GSE1: variants seen among roughly 807,000 people sequenced by gnomAD.
GSE1 encodes Gse1 coiled-coil protein, also known as genetic suppressor element 1.
GSE1 carries 32 observed loss-of-function variants against 112.6 expected under a neutral mutation model. The observed-to-expected ratio is 0.28, with a 90% CI of 0.21 to 0.38. The LOEUF is 0.38. GSE1 is among the 10% of genes least tolerant of loss of function. GSE1 has a pLI of 1.00. For synonymous variants in GSE1, 1,115 were observed against 735.6 expected, an observed-to-expected ratio of 1.52 and a Z score of -8.35; for missense variants, 2,348 against 1,699.2, an observed-to-expected ratio of 1.38 and a Z score of -6.71.
At chr16:85,626,192 G>T (rs1004453073) in intron 1 of GSE1, among the ~76,000 whole-genome samples, 1 of 152,004 alleles carries the variant, frequency 6.6e-6, no homozygotes, top group East Asian at 1.9e-4. Context: ...GGAGCAAGAA[G>T]ACCTCTCCCC....
chr16:85,259,084 C>T (rs111895700), intron 1 of GSE1, among the ~76,000 whole-genome samples: 5 of 152,278 alleles, frequency 3.3e-5, no homozygotes, highest in East Asian at 3.9e-4. Flanking sequence ...GACCTCTGCC[C>T]GGGCAGGATA....
intron 1 of GSE1, among the ~76,000 whole-genome samples, chr16:85,584,163 G>A (rs1375947703): frequency 7.0e-6 from 1 of 142,484 alleles, no homozygotes; most frequent in Non-Finnish European, 1.5e-5. Flanking sequence ...CGGTGCGTGG[G>A]CCCCTGTCTG....
chr16:85,312,209 G>GGC (rs1555559890), intron 1 of GSE1, among the ~76,000 whole-genome samples: 3 of 150,360 alleles, frequency 2.0e-5, no homozygotes, highest in Non-Finnish European at 2.9e-5. Context: ...TCTTGCGGGG[G>GGC]GGGGGGGGAC....
intron 1 of GSE1, among the ~76,000 whole-genome samples, chr16:85,586,691 C>T (rs909821781): frequency 2.6e-5 from 4 of 152,206 alleles, no homozygotes; most frequent in African/African-American, 9.7e-5. Context: ...AGTATCACCC[C>T]TCCCACCTCT....
intron 2 of GSE1, among the ~76,000 whole-genome samples, chr16:85,459,204 G>A (rs1289666222): frequency 2.6e-5 from 4 of 152,224 alleles, no homozygotes; most frequent in African/African-American, 9.6e-5. Context: ...CAACCACCGT[G>A]CCAATTGCAA....
chr16:85,624,910 C>T (rs942424225), intron 1 of GSE1, among the ~76,000 whole-genome samples: 5 of 152,210 alleles, frequency 3.3e-5, no homozygotes, highest in African/African-American at 1.2e-4. Flanking sequence ...TGTGTGGCCC[C>T]AGCGGCCTGT....
intron 2 of GSE1, among the ~76,000 whole-genome samples, chr16:85,397,727 C>G (rs751796044): frequency 6.6e-6 from 1 of 152,234 alleles, no homozygotes; most frequent in Non-Finnish European, 1.5e-5. Context: ...GCCTTTGCCC[C>G]GCTTCCCTGG....
At chr16:85,652,070 G>T (rs1424362044) in intron 3 of GSE1, among the ~76,000 whole-genome samples, 1 of 152,214 alleles carries the variant, frequency 6.6e-6, no homozygotes, top group Non-Finnish European at 1.5e-5. Context: ...AGGCCAGCCT[G>T]GCAACACACC....
At chr16:85,568,195 G>A (rs1288036470) in intron 1 of GSE1, among the ~76,000 whole-genome samples, 3 of 152,210 alleles carry the variant, frequency 2.0e-5, no homozygotes, top group East Asian at 3.9e-4. Flanking sequence ...CCTTGAGGAA[G>A]GAAAGAGGTT....
intron 1 of GSE1, among the ~76,000 whole-genome samples, chr16:85,305,472 T>G (rs978975160): frequency 1.1e-4 from 14 of 132,296 alleles, no homozygotes; most frequent in African/African-American, 2.2e-4. Context: ...TGTTGTTTTT[T>G]TTTTTTTGTT....
chr16:85,655,621 C>G, intron 5 of GSE1, 105 bp from the exon 6 acceptor site: 1 of 689,154 alleles, frequency 1.5e-6, no homozygotes. Flanking sequence ...GTCACGTTCC[C>G]CACGCTCAGG....
rs74843541 is a variant in GSE1, at chr16:85,470,558, C to T, written c.2464+112915C>T. 6.5e-3 allele frequency among the ~76,000 whole-genome samples: 984 copies of T among 152,338 alleles called. 11 individuals carry two copies. Among genetic ancestry groups the T allele is most frequent in the African/African-American group, 0.022 (935 of 41,570 alleles). On this transcript the variant is annotated intron_variant, in intron 2 of 2. Coordinates refer to the GSE1 transcript ENST00000637419. ...GTGCTAAACTCATCTCCCTGGTAACCTTCACCCGATGGGGCCAGATTCCTT... is the reference window on the plus strand; with the variant it reads ...GTGCTAAACTCATCTCCCTGGTAACTTTCACCCGATGGGGCCAGATTCCTT...
intron 1 of GSE1, among the ~76,000 whole-genome samples, chr16:85,326,632 C>T (rs549456806): frequency 6.6e-6 from 1 of 152,348 alleles, no homozygotes; most frequent in South Asian, 2.1e-4. Context: ...TTCCCGAGGC[C>T]TGCCCAGCCA....
At chr16:85,368,078 T>C (rs2047222356) in intron 2 of GSE1, among the ~76,000 whole-genome samples, 1 of 152,178 alleles carries the variant, frequency 6.6e-6, no homozygotes, top group South Asian at 2.1e-4. Context: ...GGTCTCGAAC[T>C]CTCGACCTCA....
intron 2 of GSE1, among the ~76,000 whole-genome samples, chr16:85,493,490 A>C (rs1021166219): frequency 6.6e-6 from 1 of 151,806 alleles, no homozygotes; most frequent in East Asian, 1.9e-4. Flanking sequence ...ACAGTGGCTC[A>C]CACCTGTAAT....
At chr16:85,614,332 G>A (rs943735183) in intron 1 of GSE1, among the ~76,000 whole-genome samples, 4 of 152,094 alleles carry the variant, frequency 2.6e-5, no homozygotes, top group Admixed American at 6.5e-5. Context: ...CCGCCCGCCC[G>A]CCTCTCTAGC....
intron 2 of GSE1, among the ~76,000 whole-genome samples, chr16:85,487,712 C>T (rs2050886193): frequency 6.6e-6 from 1 of 151,464 alleles, no homozygotes; most frequent in Non-Finnish European, 1.5e-5. Flanking sequence ...GGCTTGGGGC[C>T]AGGGCTGTGC....
chr16:85,640,163 G>T (rs1376687154), intron 2 of GSE1, among the ~76,000 whole-genome samples: 2 of 152,120 alleles, frequency 1.3e-5, no homozygotes, highest in Non-Finnish European at 2.9e-5. Flanking sequence ...CTGGGGTTGG[G>T]CGCACAAGAG....
chr16:85,279,551 G>A (rs181781321), intron 1 of GSE1, among the ~76,000 whole-genome samples: 92 of 152,258 alleles, frequency 6.0e-4, no homozygotes, highest in African/African-American at 2.1e-3. Context: ...AGTCAAGATC[G>A]CACCACTGCA....
Sources: gnomAD v4.1 joint callset for allele counts (sites outside exome capture counted in the v4.1 genomes callset) on GRCh38, gnomAD v4.1.1 for gene constraint, MANE v1.5 for transcripts, NCBI Gene and HGNC (gene_info 2026-07-23, HGNC 2026-07-21) for gene names.